DISC1: variants seen among roughly 807,000 people sequenced by gnomAD.
The protein encoded by DISC1 is disrupted in schizophrenia 1 protein.
Under a neutral mutation model 84.5 loss-of-function variants are expected in DISC1, and 57 were observed. The observed-to-expected ratio is 0.67, with a 90% CI of 0.55 to 0.84. DISC1 has a LOEUF of 0.84. Among genes scored for constraint, DISC1 ranks in the 40% least tolerant of loss-of-function variants. The probability of loss-of-function intolerance (pLI) is 0.00; values close to 1 mark genes in which losing one functional copy is unlikely to be tolerated. For missense variants in DISC1, 1,000 were observed against 1,057.8 expected (o/e 0.95, Z 0.76); for synonymous variants, 411 against 415.2 (o/e 0.99, Z 0.12).
intron 1 of DISC1, among the ~76,000 whole-genome samples, chr1:231,671,114 G>A (rs1189929926): frequency 6.6e-6 from 1 of 152,002 alleles, no homozygotes; most frequent in African/African-American, 2.4e-5. Flanking sequence ...TTTTTCTTTG[G>A]ATTTCAGTGA....
At chr1:232,027,493 A>C (rs1470102237) in intron 12 of DISC1, among the ~76,000 whole-genome samples, 3 of 151,894 alleles carry the variant, frequency 2.0e-5, no homozygotes, top group Non-Finnish European at 4.4e-5. Flanking sequence ...TTAGGTATGC[A>C]TCCGTATGAA....
intron 8 of DISC1, among the ~76,000 whole-genome samples, chr1:231,808,929 C>G (rs1445003527): frequency 6.6e-6 from 1 of 152,148 alleles, no homozygotes; most frequent in Non-Finnish European, 1.5e-5. Flanking sequence ...AGGGAGGGCA[C>G]AGAGAGTCGG....
intron 3 of DISC1, among the ~76,000 whole-genome samples, chr1:231,728,500 C>T (rs1471362398): frequency 6.6e-6 from 1 of 152,164 alleles, no homozygotes; most frequent in Admixed American, 6.5e-5. Context: ...TAGTAAGAGT[C>T]ATTGAGCTGC....
At chr1:231,845,937 G>C (rs1558643991) in intron 9 of DISC1, among the ~76,000 whole-genome samples, 1 of 152,136 alleles carries the variant, frequency 6.6e-6, no homozygotes, top group Non-Finnish European at 1.5e-5. Context: ...GTGATGCAAG[G>C]ATGGCGGCAG....
chr1:231,953,358 A>G (rs1658832509), intron 9 of DISC1, among the ~76,000 whole-genome samples: 1 of 152,206 alleles, frequency 6.6e-6, no homozygotes, highest in African/African-American at 2.4e-5. Context: ...AGAATCTACC[A>G]TCTTTCAAGG....
rs765745403 is a variant in DISC1 at position 231,694,500 on chromosome 1, A to G, written c.742A>G (p.Lys248Glu). The G allele has an allele frequency of 1.2e-6, 2 of 1,614,268 alleles. No individual in the cohort carries two copies. Among genetic ancestry groups the G allele is most frequent in the Non-Finnish European group, 1.7e-6 (2 of 1,180,040 alleles). Residue 248 changes from lysine (K) to glutamate (E), a missense_variant, in exon 2 of 13, where the codon AAA (lysine) becomes GAA (glutamate). This residue lies in a region of DISC1 where 311 missense variants were observed against 400.1 expected (regional missense o/e 0.78). Coordinates refer to ENST00000439617, the MANE Select transcript of DISC1 (RefSeq NM_018662.3). ...HCQSPQEMGA[K>E]AASLDGPHED... is the part of the protein sequence containing the mutation. ...CCAGAGCCCCCAGGAGATGGGAGCC[A>G]AAGCTGCCAGCTTGGACGGGCCTCA... is the stretch of plus-strand genomic sequence containing the variant.
chr1:231,882,026 G>A (rs2086324769), intron 9 of DISC1, among the ~76,000 whole-genome samples: 1 of 152,198 alleles, frequency 6.6e-6, no homozygotes, highest in South Asian at 2.1e-4. Context: ...AGGCTTGCCA[G>A]CCCATCTCCA....
chr1:231,731,433 T>A (rs1224078311), intron 3 of DISC1, among the ~76,000 whole-genome samples: 1 of 152,186 alleles, frequency 6.6e-6, no homozygotes, highest in Non-Finnish European at 1.5e-5. Flanking sequence ...GTTGGATCAT[T>A]GCCATGGAAA....
intron 9 of DISC1, among the ~76,000 whole-genome samples, chr1:231,848,366 A>G (rs1246084654): frequency 6.6e-6 from 1 of 152,190 alleles, no homozygotes; most frequent in South Asian, 2.1e-4. Context: ...ACAGTGAATA[A>G]ATGAGCGAAT....
intron 2 of DISC1, among the ~76,000 whole-genome samples, chr1:231,697,231 G>A (rs2065827092): frequency 6.6e-6 from 1 of 152,068 alleles, no homozygotes; most frequent in African/African-American, 2.4e-5. Flanking sequence ...TAGTGTTTGG[G>A]GGCCTTATTG....
At chr1:231,648,737 C>T (rs1328198733) in intron 1 of DISC1, among the ~76,000 whole-genome samples, 1 of 152,080 alleles carries the variant, frequency 6.6e-6, no homozygotes, top group African/African-American at 2.4e-5. Flanking sequence ...ATTTCAGATC[C>T]TGTTATTGGT....
rs137904416 is a variant in DISC1, at chr1:231,914,283, C to A, written c.1982-44545C>A. On this transcript the variant is annotated intron_variant, in intron 9 of 12. Coordinates refer to ENST00000439617, the MANE Select transcript of DISC1 (RefSeq NM_018662.3). ...AAGCTCAACCAGTAGCTCACACTTA[C>A]ATCCCATTGGATACTGTTGTGTCCC... Among the ~76,000 whole-genome samples the A allele has an allele frequency of 7.9e-5, 12 of 152,372 alleles. No homozygotes were observed. The East Asian group carries it at 2.1e-3, about 27-fold the overall frequency.
intron 11 of DISC1, among the ~76,000 whole-genome samples, chr1:232,024,127 C>G (rs1178715003): frequency 6.6e-6 from 1 of 151,614 alleles, no homozygotes; most frequent in African/African-American, 2.4e-5. Flanking sequence ...CTGTTATGGT[C>G]AATTTTGAGT....
At chr1:231,643,020 C>T (rs995234138) in intron 1 of DISC1, among the ~76,000 whole-genome samples, 5 of 152,208 alleles carry the variant, frequency 3.3e-5, no homozygotes, top group Admixed American at 1.3e-4. Context: ...CAAACCTTGC[C>T]GGCTCTGTAA....
At chr1:231,677,637 T>C (rs1360017705) in intron 1 of DISC1, among the ~76,000 whole-genome samples, 1 of 152,250 alleles carries the variant, frequency 6.6e-6, no homozygotes, top group East Asian at 1.9e-4. Flanking sequence ...CTGGAGAGGC[T>C]AAGTAACTTG....
At chr1:231,999,854 C>CAAAA (rs1321099846) in intron 10 of DISC1, among the ~76,000 whole-genome samples, 1 of 145,996 alleles carries the variant, frequency 6.8e-6, no homozygotes, top group Non-Finnish European at 1.5e-5. Context: ...AACAAAACAA[C>CAAAA]CAACTCCAAA....
In DISC1 at chr1:231,694,770, C is replaced by T. The variant is rs561520652; in HGVS notation, c.1012C>T (p.Arg338Trp). Residue 338 changes from arginine to tryptophan, a missense_variant, in exon 2 of 13, where the codon CGG (arginine) becomes TGG (tryptophan). Physicochemically the swap from Arg to Trp is moderately radical, Grantham distance 101. Transcript: ENST00000439617. ...GCTCAGGAAATGGGAGCCAGTGCTG[C>T]GGGACTGCCTGCTGAGAAACCGGAG... ...TLLRKWEPVLRDCLLRNRRQM... is the reference protein window; with the variant it reads ...TLLRKWEPVLWDCLLRNRRQM... 1.0e-4 allele frequency: 164 copies of T among 1,613,954 alleles called. 2 individuals are homozygous for T. Among genetic ancestry groups the T allele is most frequent in the Middle Eastern group, 3.3e-4 (2 of 6,062 alleles).
chr1:231,683,168 T>C (rs756617465), intron 1 of DISC1, among the ~76,000 whole-genome samples: 7 of 152,176 alleles, frequency 4.6e-5, no homozygotes, highest in South Asian at 2.1e-4. Flanking sequence ...TAGAAAAAGA[T>C]TGGGGGAGAG....
chr1:231,977,401 C>G (rs1662964465), intron 10 of DISC1, among the ~76,000 whole-genome samples: 1 of 152,166 alleles, frequency 6.6e-6, no homozygotes, highest in Admixed American at 6.5e-5. Context: ...TTTTTCATCT[C>G]CTAGTGGCCA....
Sources: gnomAD v4.1 joint callset for allele counts (sites outside exome capture counted in the v4.1 genomes callset) on GRCh38, gnomAD v4.1.1 for gene constraint, gnomAD v4.1.1 regional missense constraint, MANE v1.5 for transcripts, NCBI Gene and HGNC (gene_info 2026-07-23, HGNC 2026-07-21) for gene names.